The following AUTS2 variants were observed in gnomAD, a reference collection of about 807,000 sequenced individuals.
AUTS2 encodes the protein autism susceptibility gene 2 protein.
In AUTS2, 17 loss-of-function variants were observed where a neutral mutation model predicts 112.4. That is an observed-to-expected ratio of 0.15 (90% CI 0.10 to 0.23). The LOEUF is 0.23. Ranked by LOEUF, AUTS2 falls within the 10% of genes least tolerant of loss-of-function variation. AUTS2 has a pLI of 1.00. For synonymous variants in AUTS2, 751 were observed against 702.7 expected, an observed-to-expected ratio of 1.07 and a Z score of -1.09; for missense variants, 1,510 against 1,701.6, an observed-to-expected ratio of 0.89 and a Z score of 1.98.
chr7:70,076,001 C>G (rs1803009923), intron 2 of AUTS2, among the ~76,000 whole-genome samples: 1 of 152,112 alleles, frequency 6.6e-6, no homozygotes, highest in African/African-American at 2.4e-5. Flanking sequence ...GCCACATAGG[C>G]AGTATGTAAA....
chr7:69,765,653 G>A (rs555150746), intron 1 of AUTS2, among the ~76,000 whole-genome samples: 4 of 151,992 alleles, frequency 2.6e-5, no homozygotes, highest in Non-Finnish European at 5.9e-5. Flanking sequence ...AAAATTTGTG[G>A]TATAGTCCGG....
At chr7:70,104,637 A>C (rs749421679) in intron 2 of AUTS2, among the ~76,000 whole-genome samples, 1 of 152,212 alleles carries the variant, frequency 6.6e-6, no homozygotes, top group Non-Finnish European at 1.5e-5. Flanking sequence ...TTATGATGAA[A>C]CAGAATGCTT....
chr7:70,525,805 C>G (rs1381047915), intron 5 of AUTS2, among the ~76,000 whole-genome samples: 1 of 152,188 alleles, frequency 6.6e-6, no homozygotes, highest in Non-Finnish European at 1.5e-5. Flanking sequence ...GAGAGGTGGC[C>G]TGGAGGAGGG....
chr7:69,618,265 A>G (rs1429330961), intron 1 of AUTS2, among the ~76,000 whole-genome samples: 1 of 152,192 alleles, frequency 6.6e-6, no homozygotes, highest in Non-Finnish European at 1.5e-5. Flanking sequence ...GGTTCTAGGT[A>G]GGGCCTAGCC....
chr7:70,413,218 TTAAG>T (rs1794848997), intron 4 of AUTS2, among the ~76,000 whole-genome samples: 1 of 152,152 alleles, frequency 6.6e-6, no homozygotes, highest in Non-Finnish European at 1.5e-5. Flanking sequence ...CCTTGTGTAT[TTAAG>T]TAACCAGAAT....
At position 70,068,178 on chromosome 7, in the gene AUTS2, C is replaced by T. The variant is rs11971681; in HGVS notation, c.523-49954C>T. Among the ~76,000 whole-genome samples the T allele has an allele frequency of 1.2e-3, 167 of 137,702 alleles. 1 individual carries two copies. The highest frequency in any genetic ancestry group is 1.9e-3 in the Non-Finnish European group (122 of 63,030). The allele number at this position is 137,702 out of a possible 152,430, so 90.3% of individuals were successfully genotyped here. ...CAAAACATAAGTAGATTTTTTTTTTCTTTTTTTTTTTTTTGAGAGAGATGG... is the reference window on the plus strand; with the variant it reads ...CAAAACATAAGTAGATTTTTTTTTTTTTTTTTTTTTTTTTGAGAGAGATGG... On this transcript the variant is annotated intron_variant, in intron 2 of 18. Transcript: ENST00000342771.
intron 2 of AUTS2, among the ~76,000 whole-genome samples, chr7:70,080,579 T>C (rs1037848099): frequency 3.3e-5 from 5 of 152,218 alleles, no homozygotes; most frequent in African/African-American, 1.2e-4. Context: ...TTTATATCAG[T>C]AAATTTTATA....
chr7:70,647,149 C>T (rs909085395), intron 5 of AUTS2, among the ~76,000 whole-genome samples: 3 of 152,178 alleles, frequency 2.0e-5, no homozygotes, highest in South Asian at 2.1e-4. Flanking sequence ...TTGGAGAATG[C>T]GTTCTGGTCC....
intron 1 of AUTS2, among the ~76,000 whole-genome samples, chr7:69,688,999 A>G (rs1488439793): frequency 2.0e-5 from 3 of 152,332 alleles, no homozygotes; most frequent in South Asian, 2.1e-4. Flanking sequence ...TTGTACCTGA[A>G]TGAATCCTCT....
At chr7:69,929,883 C>G (rs1377533043) in intron 2 of AUTS2, among the ~76,000 whole-genome samples, 2 of 152,250 alleles carry the variant, frequency 1.3e-5, no homozygotes, top group Middle Eastern at 3.4e-3. Flanking sequence ...AACTGGTGAT[C>G]TTTGGATGCC....
chr7:70,508,621 A>G (rs902564322), intron 5 of AUTS2, among the ~76,000 whole-genome samples: 2 of 152,156 alleles, frequency 1.3e-5, no homozygotes, highest in African/African-American at 4.8e-5. Flanking sequence ...ATGAGTGGGG[A>G]GAGTGTCTTC....
intron 4 of AUTS2, among the ~76,000 whole-genome samples, chr7:70,353,492 C>T (rs541840857): frequency 3.3e-5 from 5 of 152,192 alleles, no homozygotes; most frequent in Admixed American, 1.3e-4. Flanking sequence ...GGGTGGCTGA[C>T]CCAGGGAACC....
At chr7:70,402,922 A>G (rs1195727224) in intron 4 of AUTS2, among the ~76,000 whole-genome samples, 1 of 152,188 alleles carries the variant, frequency 6.6e-6, no homozygotes, top group East Asian at 1.9e-4. Flanking sequence ...GCAAAGAGAC[A>G]CTGCTGTTTT....
chr7:69,989,905 G>A (rs1252264289), intron 2 of AUTS2, among the ~76,000 whole-genome samples: 1 of 152,106 alleles, frequency 6.6e-6, no homozygotes, highest in Non-Finnish European at 1.5e-5. Context: ...GCGTTTGAGG[G>A]ATCTAGGTTG....
At chr7:70,327,352 C>T (rs531978623) in intron 4 of AUTS2, among the ~76,000 whole-genome samples, 1 of 152,286 alleles carries the variant, frequency 6.6e-6, no homozygotes, top group South Asian at 2.1e-4. Context: ...TCTAGAGTAA[C>T]CCCAGGAGCA....
chr7:70,355,188 T>G (rs1791950200), intron 4 of AUTS2, among the ~76,000 whole-genome samples: 1 of 152,066 alleles, frequency 6.6e-6, no homozygotes, highest in Admixed American at 6.6e-5. Context: ...TCCTAAACTA[T>G]TGAGGAATAG....
intron 4 of AUTS2, among the ~76,000 whole-genome samples, chr7:70,223,267 G>A (rs1031455216): frequency 1.1e-4 from 17 of 152,114 alleles, no homozygotes; most frequent in Non-Finnish European, 2.2e-4. Flanking sequence ...AAAATAAGTA[G>A]GCAGCATTTA....
At chr7:70,591,301 C>G (rs974428921) in intron 5 of AUTS2, among the ~76,000 whole-genome samples, 2 of 148,910 alleles carry the variant, frequency 1.3e-5, no homozygotes, top group African/African-American at 4.9e-5. Context: ...ATGCTGCCCG[C>G]TTTGCTGGAG....
At chr7:70,061,337 G>A (rs963501439) in intron 2 of AUTS2, among the ~76,000 whole-genome samples, 7 of 152,162 alleles carry the variant, frequency 4.6e-5, no homozygotes, top group Admixed American at 3.9e-4. Flanking sequence ...GAAAACAGCC[G>A]CATTCCTGAT....
Sources: gnomAD v4.1 joint callset for allele counts (sites outside exome capture counted in the v4.1 genomes callset) on GRCh38, gnomAD v4.1.1 for gene constraint, MANE v1.5 for transcripts, NCBI Gene and HGNC (gene_info 2026-07-23, HGNC 2026-07-21) for gene names.